KIF13A: variants seen among roughly 807,000 people sequenced by gnomAD.
KIF13A encodes kinesin family member 13A, also known as kinesin-like protein KIF13A.
Under a neutral mutation model 212.2 loss-of-function variants are expected in KIF13A, and 79 were observed. That is an observed-to-expected ratio of 0.37 (90% CI 0.31 to 0.45). KIF13A has a LOEUF of 0.45. KIF13A is among the 20% of genes least tolerant of loss of function. The probability of loss-of-function intolerance (pLI) is 1.00; values close to 1 mark genes in which losing one functional copy is unlikely to be tolerated. For missense variants in KIF13A, 1,901 were observed against 2,209.0 expected, an observed-to-expected ratio of 0.86 and a Z score of 2.79; for synonymous variants, 789 against 808.6, an observed-to-expected ratio of 0.98 and a Z score of 0.41.
At chr6:17,969,288 G>A (rs1779595561) in intron 2 of KIF13A, among the ~76,000 whole-genome samples, 1 of 152,188 alleles carries the variant, frequency 6.6e-6, no homozygotes, top group South Asian at 2.1e-4. Flanking sequence ...CACACGGCTG[G>A]AGGCTCTACC....
rs1332477973 is a variant in KIF13A, at chr6:17,826,148, C to T, written c.1533-24G>A. The T allele has an allele frequency of 6.3e-7, 1 of 1,585,190 alleles. No homozygotes were observed. Among genetic ancestry groups the T allele is most frequent in the Non-Finnish European group, 8.7e-7 (1 of 1,154,412 alleles). On this transcript the variant is annotated intron_variant, in intron 14 of 38. Coordinates refer to ENST00000259711, the MANE Select transcript of KIF13A (RefSeq NM_022113.6). This position sits in a 1 kb window ranked among gnomAD's most constrained non-coding sequence, Gnocchi z 4.7. ...ACCTGGGAGAACACGAGGGAAAATA[C>T]CAGGTAAATGGGAAGGAGCACAAGA...
rs542964283 is a variant in KIF13A at position 17,806,741 on chromosome 6, T to G, written c.2164-1126A>C. Among the ~76,000 whole-genome samples the G allele has an allele frequency of 2.0e-5, 3 of 152,160 alleles. No individual in the cohort carries two copies. The East Asian group carries it at 5.8e-4, about 29-fold the overall frequency. ...CTAAAAATACAAAATTAGCTTGGTG[T>G]GGTGGCGCATGCCTGTAATCCCAGC... On this transcript the variant is annotated intron_variant, in intron 18 of 38. Coordinates refer to ENST00000259711, the MANE Select transcript of KIF13A (RefSeq NM_022113.6).
In KIF13A at chr6:17,764,581, G is replaced by T. The variant is rs201057801; in HGVS notation, c.4947C>A (p.Asn1649Lys). The change falls in exon 39 of 39, where the codon AAC becomes AAA. Residue 1649 changes from asparagine (N) to lysine (K), a missense_variant. Transcript: ENST00000259711. This position sits in a 1 kb window ranked among gnomAD's most constrained non-coding sequence, Gnocchi z 5.1. ...SLVHDFRPSS[N>K]KELTEVEKGL... The stretch of plus-strand genomic sequence containing the variant: ...CTTTTTCGACTTCTGTCAACTCTTT[G>T]TTTGAGGACGGCCTGAAATCATGCA... 832 of 1,613,862 alleles carry T rather than the reference G, an allele frequency of 5.2e-4. 3 individuals are homozygous for T. The African/African-American group carries it at 0.01, about 20-fold the overall frequency.
chr6:17,950,832 A>G (rs1777784896), intron 2 of KIF13A: 1 of 980,364 alleles, frequency 1.0e-6, no homozygotes, highest in African/African-American at 1.8e-5. Flanking sequence ...ATTTCTTAAA[A>G]TAATTTCTCA....
At chr6:17,978,888 A>G (rs1318274738) in intron 2 of KIF13A, among the ~76,000 whole-genome samples, 1 of 152,250 alleles carries the variant, frequency 6.6e-6, no homozygotes, top group Non-Finnish European at 1.5e-5. Flanking sequence ...CTATTTTGGT[A>G]CTATTCTGAA....
chr6:17,828,221 C>A lies in KIF13A; in HGVS notation c.1532+19G>T. On this transcript the variant is annotated intron_variant, in intron 14 of 38. Transcript: ENST00000259711. This position sits in a 1 kb window ranked among gnomAD's most constrained non-coding sequence, Gnocchi z 4.3. ...ATAAGGCACACAAGACACGTGAAGTCACCATTTACTTTTCTTACCTTGCAT... is the reference window on the plus strand; with the variant it reads ...ATAAGGCACACAAGACACGTGAAGTAACCATTTACTTTTCTTACCTTGCAT... The A allele has an allele frequency of 1.2e-6, 2 of 1,607,550 alleles. No individual in the cohort carries two copies. The highest frequency in any genetic ancestry group is 2.2e-5 in the South Asian group (2 of 89,764).
chr6:17,897,415 G>A lies in KIF13A; in HGVS notation c.159+753C>T, dbSNP rs1772669914. Among the ~76,000 whole-genome samples the A allele has an allele frequency of 6.6e-6, 1 of 152,120 alleles. No individual in the cohort carries two copies. The highest frequency in any genetic ancestry group is 1.9e-4 in the East Asian group (1 of 5,192). On this transcript the variant is annotated intron_variant, in intron 3 of 38. Coordinates refer to ENST00000259711, the MANE Select transcript of KIF13A (RefSeq NM_022113.6). This position sits in a 1 kb window ranked among gnomAD's most constrained non-coding sequence, Gnocchi z 4.8. ...TCCTTTTGGTGCTAAGTGTCCCTCT[G>A]ATACTCAGCAAAATGCTCACTGGTA... is the stretch of plus-strand genomic sequence containing the variant.
Position 17,794,209 on chromosome 6 carries a change from C to G in KIF13A, c.3222+40G>C. On this transcript the variant is annotated intron_variant, in intron 25 of 38. Coordinates refer to ENST00000259711, the MANE Select transcript of KIF13A (RefSeq NM_022113.6). The surrounding 1 kb of genome is among the most constrained non-coding windows in gnomAD (Gnocchi z 4.1). ...AGGTCCCCCTGGGACCTGCATTAAC[C>G]AAGCTTTGTTAAATACTATTTTAAG... is the stretch of plus-strand genomic sequence containing the variant. 1 of 1,551,894 alleles carries G rather than the reference C, an allele frequency of 6.4e-7. No homozygotes were observed. The highest frequency in any genetic ancestry group is 8.8e-7 in the Non-Finnish European group (1 of 1,134,306).
Position 17,772,282 on chromosome 6 carries a change from A to G in KIF13A, c.4325-223T>C, listed in dbSNP as rs947048168. Among the ~76,000 whole-genome samples, 2 of 152,102 alleles carry G rather than the reference A, an allele frequency of 1.3e-5. No individual in the cohort carries two copies. The highest frequency in any genetic ancestry group is 1.9e-4 in the East Asian group (1 of 5,186). On this transcript the variant is annotated intron_variant, in intron 36 of 38. Coordinates refer to ENST00000259711, the MANE Select transcript of KIF13A (RefSeq NM_022113.6). The surrounding 1 kb of genome is among the most constrained non-coding windows in gnomAD (Gnocchi z 4.8). ...CAGATAGCCAGGCATGGTGGTGTCTACTTGTTGTACTTGCTACTCAGGAGG... is the reference window on the plus strand; with the variant it reads ...CAGATAGCCAGGCATGGTGGTGTCTGCTTGTTGTACTTGCTACTCAGGAGG...
chr6:17,910,703 A>G (rs1372324977), intron 2 of KIF13A, among the ~76,000 whole-genome samples: 1 of 152,240 alleles, frequency 6.6e-6, no homozygotes, highest in African/African-American at 2.4e-5. Flanking sequence ...AAAGTCAGTA[A>G]CAGCAAAGTC....
At position 17,851,589 on chromosome 6, in the gene KIF13A, G is replaced by A. The variant is rs182283443; in HGVS notation, c.582+366C>T. On this transcript the variant is annotated intron_variant, in intron 7 of 38. Transcript: ENST00000259711. The stretch of plus-strand genomic sequence containing the variant: ...GCCAGAAGTGACAGAAACCAAGGCA[G>A]GAGACCCTGCCAAAAAGAAAGGGCT... 3.3e-4 allele frequency among the ~76,000 whole-genome samples: 50 copies of A among 152,354 alleles called. No individual in the cohort carries two copies. The East Asian group carries it at 9.1e-3, about 28-fold the overall frequency.
Position 17,871,831 on chromosome 6 carries a change from T to C in KIF13A, c.220+1546A>G, listed in dbSNP as rs536552133. On this transcript the variant is annotated intron_variant, in intron 4 of 38. Transcript: ENST00000259711. The surrounding 1 kb of genome is among the most constrained non-coding windows in gnomAD (Gnocchi z 4.4). ...ATGGCTGCATCTTGAGTAACATAAA[T>C]TGAACACGGTTAATGACGGGTTTGT... Among the ~76,000 whole-genome samples the C allele has an allele frequency of 8.5e-5, 13 of 152,336 alleles. No homozygotes were observed. Among genetic ancestry groups the C allele is most frequent in the Non-Finnish European group, 1.9e-4 (13 of 68,028 alleles).
At chr6:17,976,247 G>A (rs533251338) in intron 2 of KIF13A, among the ~76,000 whole-genome samples, 11 of 152,318 alleles carry the variant, frequency 7.2e-5, no homozygotes, top group South Asian at 4.1e-4. Flanking sequence ...GCCGGCGCTC[G>A]TCAGGGAGGC....
chr6:17,952,975 G>T (rs1329133031), intron 2 of KIF13A, among the ~76,000 whole-genome samples: 2 of 151,906 alleles, frequency 1.3e-5, no homozygotes, highest in Non-Finnish European at 2.9e-5. Context: ...GAGAGGAAGA[G>T]GAGAAGAAGA....
rs1265089488 is a variant in KIF13A, at chr6:17,764,877, G to T, written c.4651C>A (p.Pro1551Thr). ...RKLISSQPYVPVEFADFSVYN... is the reference protein window; with the variant it reads ...RKLISSQPYVTVEFADFSVYN... ...ACACTGAAGTCAGCAAACTCCACAG[G>T]TACATAAGGCTGTGAACTTATTAGC... is the stretch of plus-strand genomic sequence containing the variant. Residue 1551 changes from proline to threonine, a missense_variant, in exon 39 of 39, where the codon CCT becomes ACT. Pro to Thr is a conservative substitution (Grantham distance 38). Coordinates refer to ENST00000259711, the MANE Select transcript of KIF13A (RefSeq NM_022113.6). The surrounding 1 kb of genome is among the most constrained non-coding windows in gnomAD (Gnocchi z 5.1). 1.2e-6 allele frequency: 2 copies of T among 1,613,650 alleles called. No individual in the cohort carries two copies. Among genetic ancestry groups the T allele is most frequent in the Non-Finnish European group, 1.7e-6 (2 of 1,179,746 alleles).
chr6:17,918,087 C>T lies in KIF13A; in HGVS notation c.147-19907G>A, dbSNP rs1774709817. On this transcript the variant is annotated intron_variant, in intron 2 of 38. Transcript: ENST00000259711. This position sits in a 1 kb window ranked among gnomAD's most constrained non-coding sequence, Gnocchi z 4.8. ...TTTGTTGTCTGTCTTGTCCCCTTTACAGAGCTGCACCAACAGGATGCCTAG... is the reference window on the plus strand; with the variant it reads ...TTTGTTGTCTGTCTTGTCCCCTTTATAGAGCTGCACCAACAGGATGCCTAG... Among the ~76,000 whole-genome samples, 1 of 152,052 alleles carries T rather than the reference C, an allele frequency of 6.6e-6. No individual in the cohort carries two copies. The highest frequency in any genetic ancestry group is 6.6e-5 in the Admixed American group (1 of 15,260).
chr6:17,771,883 T>C lies in KIF13A; in HGVS notation c.4476+25A>G, dbSNP rs1759528594. On this transcript the variant is annotated intron_variant, in intron 37 of 38. Coordinates refer to ENST00000259711, the MANE Select transcript of KIF13A (RefSeq NM_022113.6). The surrounding 1 kb of genome is among the most constrained non-coding windows in gnomAD (Gnocchi z 5.4). Reference sequence around the variant, plus strand: ...TGACACAACTCTGCTCTATTCTGCATAGTACAGACAAGTCAAGCATTTACC... The same window carrying C: ...TGACACAACTCTGCTCTATTCTGCACAGTACAGACAAGTCAAGCATTTACC... The C allele has an allele frequency of 3.1e-6, 5 of 1,612,610 alleles. No individual in the cohort carries two copies. The East Asian group carries it at 1.1e-4, about 36-fold the overall frequency.
chr6:17,852,778 A>G (rs1028205510), intron 6 of KIF13A, among the ~76,000 whole-genome samples: 78 of 152,330 alleles, frequency 5.1e-4, no homozygotes, highest in African/African-American at 1.8e-3. Context: ...TCAAGTCTGC[A>G]TTGGTTTATG....
chr6:17,877,919 A>G (rs1770716084), intron 3 of KIF13A, among the ~76,000 whole-genome samples: 2 of 152,248 alleles, frequency 1.3e-5, no homozygotes, highest in African/African-American at 4.8e-5. Context: ...AGTAGTAGCC[A>G]TCTAATTCAT....
Sources: gnomAD v4.1 joint callset for allele counts (sites outside exome capture counted in the v4.1 genomes callset) on GRCh38, gnomAD v4.1.1 for gene constraint, Gnocchi (gnomAD v3.1) non-coding constraint, MANE v1.5 for transcripts, NCBI Gene and HGNC (gene_info 2026-07-23, HGNC 2026-07-21) for gene names.